PNMA6E: variants seen among roughly 807,000 people sequenced by gnomAD.
PNMA6E encodes PNMA family member 6E.
For missense variants in PNMA6E, 78 were observed against 50.8 expected (o/e 1.53, Z -1.63); for synonymous variants, 43 against 17.1 (o/e 2.52, Z -3.74).
At chrX:153,405,188 A>T (rs782202578), upstream of PNMA6E, among the ~76,000 whole-genome samples, 4 of 112,353 alleles carry the variant, frequency 3.6e-5, no homozygotes, top group South Asian at 1.5e-3. Flanking sequence ...AGCCACCAGG[A>T]GTAATTTGTT....
chrX:153,411,970 G>A, the PNMA6E span, among the ~76,000 whole-genome samples: 2 of 112,892 alleles, frequency 1.8e-5, no homozygotes, highest in Non-Finnish European at 3.8e-5. Context: ...TCCAGCCACC[G>A]GTCCCGAGGC....
At chrX:153,406,871 G>A in the PNMA6E span, among the ~76,000 whole-genome samples, 10 of 112,242 alleles carry the variant, frequency 8.9e-5, no homozygotes, top group South Asian at 3.7e-3. Context: ...GGAGCAGATA[G>A]AGAGGGTCCG....
At position 153,398,838 on chromosome X, in the gene PNMA6E, C is replaced by A; in HGVS notation, c.12G>T (p.Ala4=). The change falls in exon 2 of 2, where the codon GCG becomes GCT. Residue 4 remains alanine (A), a synonymous_variant. Transcript: ENST00000445091. MAL[A]MLRDWCRWMG... ...TCCACCTGCACCAGTCCCGAAGCATCGCCAGAGCCATCGCAGAGGACTTGA... is the reference window on the plus strand; with the variant it reads ...TCCACCTGCACCAGTCCCGAAGCATAGCCAGAGCCATCGCAGAGGACTTGA... 1.7e-5 allele frequency: 5 copies of A among 299,977 alleles called. No individual in the cohort carries two copies. Among genetic ancestry groups the A allele is most frequent in the Non-Finnish European group, 2.9e-5 (5 of 171,640 alleles). The allele number at this position is 299,977 out of a possible 1,213,427, so 24.7% of individuals were successfully genotyped here.
the PNMA6E span, among the ~76,000 whole-genome samples, chrX:153,407,917 G>A: frequency 6.2e-5 from 7 of 112,862 alleles, no homozygotes; most frequent in African/African-American, 1.6e-4. Context: ...AAGGAAGCAC[G>A]TGATCCCAGC....
At chrX:153,401,682 T>C (rs950024304), upstream of PNMA6E, among the ~76,000 whole-genome samples, 3 of 112,146 alleles carry the variant, frequency 2.7e-5, no homozygotes, top group Admixed American at 9.4e-5. Flanking sequence ...TCCAATTTTT[T>C]CCACTGTTTG....
At chrX:153,401,030 G>A (rs2088847119) in intron 1 of PNMA6E, among the ~76,000 whole-genome samples, 1 of 109,809 alleles carries the variant, frequency 9.1e-6, no homozygotes. Context: ...CCTCCCGAGG[G>A]GGCCTTCCTT....
At chrX:153,405,068 G>A (rs1413226375), upstream of PNMA6E, among the ~76,000 whole-genome samples, 3 of 112,831 alleles carry the variant, frequency 2.7e-5, no homozygotes, top group African/African-American at 9.7e-5. Flanking sequence ...CCTGACTTAA[G>A]TTTTAACAAG....
At chrX:153,409,538 T>G in the PNMA6E span, among the ~76,000 whole-genome samples, 1 of 113,126 alleles carries the variant, frequency 8.8e-6, no homozygotes, top group Non-Finnish European at 1.9e-5. Context: ...GAAGGGAGAT[T>G]GATCTCCCGA....
At chrX:153,399,341 TTTTG>T (rs1208155858) in intron 1 of PNMA6E, among the ~76,000 whole-genome samples, 110 of 110,074 alleles carry the variant, frequency 1.0e-3, no homozygotes, top group Non-Finnish European at 1.6e-3. Context: ...GTGTGTTGTT[TTTTG>T]TTTGTTTGTT....
In PNMA6E at chrX:153,395,659, A is replaced by C. The variant is rs782261399; in HGVS notation, c.*1247T>G. The C allele has an allele frequency of 2.7e-5, 3 of 111,358 alleles. No individual in the cohort carries two copies. In the South Asian group the frequency reaches 1.2e-3, roughly 44 times the overall value. 9.2% of individuals were successfully genotyped at this position (111,358 alleles called of 1,213,427 possible). ...CCGGCTGGAACACGGAATGAAATTT[A>C]TTGAAGAGAAACATATACTGAAACT... On this transcript the variant is annotated 3_prime_UTR_variant, in exon 2 of 2. Transcript: ENST00000445091.
the PNMA6E span, among the ~76,000 whole-genome samples, chrX:153,409,391 A>G: frequency 8.0e-4 from 90 of 113,152 alleles, no homozygotes; most frequent in South Asian, 6.5e-3. Context: ...CCCAGGCCTC[A>G]GGGCCACAAT....
chrX:153,396,570 G>C lies in PNMA6E; in HGVS notation c.*336C>G, dbSNP rs1242428896. On this transcript the variant is annotated 3_prime_UTR_variant, in exon 2 of 2. Transcript: ENST00000445091. ...CCTGTCTCTCCCAACTCACGGCCTG[G>C]GTTGGGGGCAGACATCTTCAGGTGC... 5 of 130,289 alleles carry C rather than the reference G, an allele frequency of 3.8e-5. No individual in the cohort carries two copies. The highest frequency in any genetic ancestry group is 7.7e-5 in the Non-Finnish European group (5 of 65,316). 10.7% of individuals were successfully genotyped at this position (130,289 alleles called of 1,213,427 possible).
the PNMA6E span, among the ~76,000 whole-genome samples, chrX:153,406,495 C>T: frequency 1.8e-5 from 2 of 112,547 alleles, no homozygotes; most frequent in Admixed American, 1.9e-4. Flanking sequence ...GTGCAAAGGT[C>T]CTGGAGCTGG....
the PNMA6E span, among the ~76,000 whole-genome samples, chrX:153,410,512 T>C: frequency 3.6e-5 from 4 of 111,227 alleles, no homozygotes; most frequent in East Asian, 8.7e-4. Flanking sequence ...TCCGAAGCTC[T>C]CCCTGCACTG....
rs1358956256 is a variant in PNMA6E, at chrX:153,397,293, A to C, written c.1557T>G (p.Ala519=). Residue 519 remains alanine (A), a synonymous_variant, in exon 2 of 2, where the codon GCT becomes GCG. Coordinates refer to ENST00000445091, the MANE Select transcript of PNMA6E (RefSeq NM_001367770.1). ...AAPVESEDPA[A]AQASPAQGNA... ...TCCCCTGGGCTGGGGAGGCCTGGGC[A>C]GCAGCTGGGTCTTCACTCTCCACTG... The C allele has an allele frequency of 1.7e-5, 5 of 296,383 alleles. No homozygotes were observed. The highest frequency in any genetic ancestry group is 1.4e-4 in the African/African-American group (5 of 36,625). 24.4% of individuals were successfully genotyped at this position (296,383 alleles called of 1,213,427 possible). A position where few individuals can be genotyped will look rare whatever the true frequency, so the allele number is the denominator to read the frequency against.
At position 153,396,127 on chromosome X, in the gene PNMA6E, C is replaced by T. The variant is rs782617236; in HGVS notation, c.*779G>A. ...TCGTGGTCACGGGGTGAGCGTCCGC[C>T]GTGCCCTGGTGCCTCCTTCCCGCCA... On this transcript the variant is annotated 3_prime_UTR_variant, in exon 2 of 2. Coordinates refer to ENST00000445091, the MANE Select transcript of PNMA6E (RefSeq NM_001367770.1). 1 of 122,594 alleles carries T rather than the reference C, an allele frequency of 8.2e-6. No homozygotes were observed. The highest frequency in any genetic ancestry group is 3.2e-5 in the African/African-American group (1 of 30,858). 10.1% of individuals were successfully genotyped at this position (122,594 alleles called of 1,213,427 possible). A position where few individuals can be genotyped will look rare whatever the true frequency, so the allele number is the denominator to read the frequency against.
At chrX:153,405,192 AT>A (rs200342608), upstream of PNMA6E, among the ~76,000 whole-genome samples, 480 of 112,484 alleles carry the variant, frequency 4.3e-3, no homozygotes, top group African/African-American at 0.014. Flanking sequence ...ACCAGGAGTA[AT>A]TTGTTATGTA....
the PNMA6E span, among the ~76,000 whole-genome samples, chrX:153,412,248 G>A: frequency 5.3e-5 from 6 of 112,508 alleles, no homozygotes; most frequent in Admixed American, 9.3e-5. Context: ...CAAGGAGGAA[G>A]CGAAGGGCCG....
the PNMA6E span, among the ~76,000 whole-genome samples, chrX:153,410,024 C>G: frequency 2.7e-5 from 3 of 112,089 alleles, no homozygotes; most frequent in Admixed American, 1.9e-4. Context: ...AACCGCTTGG[C>G]TTCAGCCAAC....
Sources: allele counts gnomAD v4.1 joint callset (sites outside exome capture counted in the v4.1 genomes callset), GRCh38; gene constraint gnomAD v4.1.1; transcripts MANE v1.5; gene names NCBI Gene and HGNC (gene_info 2026-07-23, HGNC 2026-07-21).